SCAI: variants seen among roughly 807,000 people sequenced by gnomAD.
The protein encoded by SCAI is protein SCAI.
In SCAI, 24 loss-of-function variants were observed where a neutral mutation model predicts 92.2. The observed-to-expected ratio is 0.26, with a 90% CI of 0.19 to 0.37. The LOEUF (loss-of-function observed/expected upper bound fraction) is 0.37. SCAI is among the 10% of genes least tolerant of loss of function. The pLI, the probability that SCAI is intolerant of heterozygous loss-of-function variation, is 1.00. For synonymous variants in SCAI, 261 were observed against 258.6 expected, an observed-to-expected ratio of 1.01 and a Z score of -0.09; for missense variants, 450 against 736.2, an observed-to-expected ratio of 0.61 and a Z score of 4.50.
At chr9:124,980,590 T>A (rs1831865170) in intron 14 of SCAI, among the ~76,000 whole-genome samples, 1 of 152,172 alleles carries the variant, frequency 6.6e-6, no homozygotes, top group African/African-American at 2.4e-5. Context: ...CAGTTCCCAA[T>A]AAAAACCCTG....
intron 6 of SCAI, among the ~76,000 whole-genome samples, chr9:125,020,999 A>T (rs1832859850): frequency 6.6e-6 from 1 of 152,210 alleles, no homozygotes; most frequent in Non-Finnish European, 1.5e-5. Context: ...GATGCATCAG[A>T]TACTGTTAAT....
chr9:124,994,741 C>T (rs550433696), intron 14 of SCAI, among the ~76,000 whole-genome samples, 193 bp downstream of exon 14: 70 of 152,204 alleles, frequency 4.6e-4, no homozygotes, highest in African/African-American at 1.5e-3. Flanking sequence ...TCCATTCATG[C>T]GTTTTCTTCT....
intron 14 of SCAI, among the ~76,000 whole-genome samples, chr9:124,978,528 T>C (rs974536774): frequency 3.9e-5 from 6 of 152,214 alleles, no homozygotes; most frequent in Non-Finnish European, 7.3e-5. Context: ...GAAATACTCA[T>C]ATGTAGGTAA....
At chr9:124,972,108 T>C (rs1279146169) in intron 15 of SCAI, among the ~76,000 whole-genome samples, 1 of 152,228 alleles carries the variant, frequency 6.6e-6, no homozygotes, top group Non-Finnish European at 1.5e-5. Flanking sequence ...TTAACAAATT[T>C]CATCCAAATA....
chr9:125,122,526 T>C (rs1588241799), intron 2 of SCAI, among the ~76,000 whole-genome samples: 2 of 145,212 alleles, frequency 1.4e-5, no homozygotes. Context: ...GAGGCAGAGG[T>C]TGCAGTGAAC....
chr9:125,061,281 A>C (rs1030886398), intron 2 of SCAI, among the ~76,000 whole-genome samples: 2 of 152,168 alleles, frequency 1.3e-5, no homozygotes, highest in African/African-American at 4.8e-5. Context: ...TGGGCGATAC[A>C]GCGAGACTCC....
chr9:125,087,105 G>A lies in SCAI; in HGVS notation c.99-31098C>T, dbSNP rs184179170. Among the ~76,000 whole-genome samples the A allele has an allele frequency of 2.6e-5, 4 of 152,262 alleles. No individual in the cohort carries two copies. In the East Asian group the frequency reaches 7.7e-4, roughly 29 times the overall value. On this transcript the variant is annotated intron_variant, in intron 2 of 17. Coordinates refer to ENST00000336505, the MANE Select transcript of SCAI (RefSeq NM_001144877.3). ...TAAATAAGTGTAAGAAGAAACAAAG[G>A]AATGTAACTAGAGAAAACAGCATTC...
chr9:125,056,322 C>T (rs1588183314), intron 2 of SCAI, among the ~76,000 whole-genome samples: 1 of 151,992 alleles, frequency 6.6e-6, no homozygotes, highest in South Asian at 2.1e-4. Context: ...AAAAATTAGC[C>T]GGGCGTGGTG....
intron 15 of SCAI, chr9:124,975,266 C>T (rs756900556): frequency 1.9e-4 from 88 of 452,494 alleles, no homozygotes; most frequent in African/African-American, 1.7e-3. Context: ...ACGGTGAAAG[C>T]CTCCAGCTTC....
intron 2 of SCAI, among the ~76,000 whole-genome samples, chr9:125,095,716 T>C (rs1834534923): frequency 6.6e-6 from 1 of 152,198 alleles, no homozygotes; most frequent in Non-Finnish European, 1.5e-5. Flanking sequence ...TTCCCCCTTT[T>C]TTCTAATGGG....
At chr9:125,018,403 T>G (rs915211738) in intron 9 of SCAI, among the ~76,000 whole-genome samples, 1 of 152,118 alleles carries the variant, frequency 6.6e-6, no homozygotes, top group African/African-American at 2.4e-5. Flanking sequence ...GTCAGAAATT[T>G]TGGAAACTTT....
chr9:125,000,062 G>T, intron 12 of SCAI, 72 bp from the exon 13 acceptor site: 1 of 636,684 alleles, frequency 1.6e-6, no homozygotes, highest in Non-Finnish European at 2.7e-6. Context: ...AAATACAAAG[G>T]TACTGTGTGA....
At chr9:125,120,120 T>C (rs749479815) in intron 2 of SCAI, among the ~76,000 whole-genome samples, 10 of 152,142 alleles carry the variant, frequency 6.6e-5, no homozygotes, top group Admixed American at 1.3e-4. Context: ...GGGAGGAGTG[T>C]GAAGATGACA....
chr9:124,954,086 C>T (rs770432420), intron 17 of SCAI, among the ~76,000 whole-genome samples: 5 of 152,168 alleles, frequency 3.3e-5, no homozygotes, highest in Non-Finnish European at 5.9e-5. Context: ...CCAATCTACA[C>T]GCCTCGGGCC....
chr9:125,027,399 G>A (rs1262821822), intron 5 of SCAI, among the ~76,000 whole-genome samples: 2 of 152,344 alleles, frequency 1.3e-5, no homozygotes, highest in East Asian at 3.9e-4. Flanking sequence ...AGTTTTACAA[G>A]GGACTTTTTA....
At chr9:125,047,736 T>G (rs1833474836) in intron 3 of SCAI, among the ~76,000 whole-genome samples, 1 of 152,240 alleles carries the variant, frequency 6.6e-6, no homozygotes, top group African/African-American at 2.4e-5. Flanking sequence ...GTAGTTAATC[T>G]GAACTGAAAT....
At chr9:125,067,898 C>A (rs1221303504) in intron 2 of SCAI, among the ~76,000 whole-genome samples, 2 of 152,154 alleles carry the variant, frequency 1.3e-5, no homozygotes, top group Admixed American at 1.3e-4. Context: ...AAATTATTGA[C>A]CTGCCTTGTT....
At chr9:124,978,216 C>T (rs1831802020) in intron 14 of SCAI, among the ~76,000 whole-genome samples, 1 of 152,114 alleles carries the variant, frequency 6.6e-6, no homozygotes, top group Non-Finnish European at 1.5e-5. Context: ...CAGAGGTGGG[C>T]AGATCACCTG....
At chr9:125,004,773 ATATATATTTTTTTTTTTTTTT>A (rs1435357512) in intron 9 of SCAI, among the ~76,000 whole-genome samples, 78 of 9,692 alleles carry the variant, frequency 8.0e-3, no homozygotes, top group African/African-American at 0.026. Flanking sequence ...ATATATATAT[ATATATATTTTTTTTTTTTTTT>A]TTTTTTTTTT....
Sources: gnomAD v4.1 joint callset for allele counts (sites outside exome capture counted in the v4.1 genomes callset) on GRCh38, gnomAD v4.1.1 for gene constraint, MANE v1.5 for transcripts, NCBI Gene and HGNC (gene_info 2026-07-23, HGNC 2026-07-21) for gene names.